RIMS1: variants seen among roughly 807,000 people sequenced by gnomAD.
RIMS1 encodes regulating synaptic membrane exocytosis 1.
RIMS1 carries 83 observed loss-of-function variants against 214.1 expected under a neutral mutation model. The observed-to-expected ratio is 0.39, with a 90% confidence interval of 0.32 to 0.47. The LOEUF (loss-of-function observed/expected upper bound fraction) is 0.47. RIMS1 is among the 20% of genes least tolerant of loss of function. The pLI is 0.99. For missense variants in RIMS1, 2,050 were observed against 2,161.8 expected, an observed-to-expected ratio of 0.95 and a Z score of 1.03; for synonymous variants, 793 against 786.8, an observed-to-expected ratio of 1.01 and a Z score of -0.13.
chr6:71,908,684 A>G (rs1776000394), intron 1 of RIMS1, among the ~76,000 whole-genome samples: 1 of 152,224 alleles, frequency 6.6e-6, no homozygotes, highest in South Asian at 2.1e-4. Context: ...TTGGCAGCAC[A>G]GTCATTGGTA....
intron 1 of RIMS1, among the ~76,000 whole-genome samples, chr6:71,961,031 A>C (rs1436199953): frequency 6.6e-6 from 1 of 152,178 alleles, no homozygotes; most frequent in Non-Finnish European, 1.5e-5. Context: ...GAGCCCTCTC[A>C]GATGTCTCCC....
At chr6:72,325,630 A>C (rs2096422711) in intron 28 of RIMS1, among the ~76,000 whole-genome samples, 1 of 151,804 alleles carries the variant, frequency 6.6e-6, no homozygotes, top group Non-Finnish European at 1.5e-5. Flanking sequence ...CTAGAAATAA[A>C]TCTAAGACCT....
intron 6 of RIMS1, among the ~76,000 whole-genome samples, chr6:72,230,505 C>G (rs1221219363): frequency 2.0e-5 from 3 of 151,516 alleles, no homozygotes; most frequent in African/African-American, 7.3e-5. Context: ...TACACATGCT[C>G]AATCGTGCCT....
intron 2 of RIMS1, among the ~76,000 whole-genome samples, chr6:72,034,748 A>G (rs1819121882): frequency 6.6e-6 from 1 of 152,100 alleles, no homozygotes; most frequent in South Asian, 2.1e-4. Context: ...ATGTTAAGTG[A>G]CTTATTAACG....
At chr6:71,933,227 C>G (rs1783558825) in intron 1 of RIMS1, among the ~76,000 whole-genome samples, 1 of 152,092 alleles carries the variant, frequency 6.6e-6, no homozygotes, top group Non-Finnish European at 1.5e-5. Flanking sequence ...TGTTGTGAAA[C>G]CTCCTCTGAC....
intron 17 of RIMS1, among the ~76,000 whole-genome samples, 176 bp from the exon 18 acceptor site, chr6:72,258,810 G>A (rs2154155066): frequency 6.6e-6 from 1 of 152,184 alleles, no homozygotes; most frequent in East Asian, 1.9e-4. Context: ...GCAGCCACAG[G>A]CAAAAACTCA....
chr6:72,384,926 A>G (rs2098557755), intron 29 of RIMS1, among the ~76,000 whole-genome samples: 1 of 152,212 alleles, frequency 6.6e-6, no homozygotes, highest in Non-Finnish European at 1.5e-5. Flanking sequence ...AATATAACAC[A>G]TATCTCTAAA....
At chr6:72,267,020 T>C (rs2080911606) in intron 22 of RIMS1, among the ~76,000 whole-genome samples, 1 of 152,126 alleles carries the variant, frequency 6.6e-6, no homozygotes, top group Middle Eastern at 3.2e-3. Context: ...AATTGAACAA[T>C]AGGTACACGT....
intron 22 of RIMS1, among the ~76,000 whole-genome samples, chr6:72,270,735 T>A (rs1320960749): frequency 6.6e-6 from 1 of 152,208 alleles, no homozygotes; most frequent in East Asian, 1.9e-4. Flanking sequence ...TTTGTTGTGC[T>A]GTTTGCAGGC....
At chr6:72,217,092 G>T (rs2056433355) in intron 6 of RIMS1, 10 of 1,509,766 alleles carry the variant, frequency 6.6e-6, no homozygotes, top group Non-Finnish European at 8.8e-6. Flanking sequence ...TATTTTGGTG[G>T]ATTTTTTAAT....
At chr6:71,933,877 T>A (rs1467706894) in intron 1 of RIMS1, among the ~76,000 whole-genome samples, 1 of 152,172 alleles carries the variant, frequency 6.6e-6, no homozygotes, top group Non-Finnish European at 1.5e-5. Flanking sequence ...TTAATATATC[T>A]TTTAATTATT....
At chr6:72,074,743 A>G (rs1291783648) in intron 2 of RIMS1, among the ~76,000 whole-genome samples, 1 of 152,202 alleles carries the variant, frequency 6.6e-6, no homozygotes, top group African/African-American at 2.4e-5. Flanking sequence ...TGATTGAGCT[A>G]AGGTAATTAA....
At chr6:72,351,389 A>T (rs2097441617) in intron 29 of RIMS1, among the ~76,000 whole-genome samples, 1 of 152,186 alleles carries the variant, frequency 6.6e-6, no homozygotes, top group Non-Finnish European at 1.5e-5. Flanking sequence ...ACAGATATTG[A>T]TCAAGTGCCT....
At chr6:71,942,475 A>G (rs540402683) in intron 1 of RIMS1, among the ~76,000 whole-genome samples, 1 of 152,186 alleles carries the variant, frequency 6.6e-6, no homozygotes, top group Non-Finnish European at 1.5e-5. Flanking sequence ...GGATGTCAAA[A>G]TATTCAAACA....
At chr6:71,939,242 T>C (rs1462087884) in intron 1 of RIMS1, among the ~76,000 whole-genome samples, 1 of 152,220 alleles carries the variant, frequency 6.6e-6, no homozygotes, top group Non-Finnish European at 1.5e-5. Context: ...CATACTTCTA[T>C]CAACATTCTG....
At position 72,182,780 on chromosome 6, in the gene RIMS1, A is replaced by G. The variant is rs2048549775; in HGVS notation, c.1309A>G (p.Arg437Gly). The change falls in exon 6 of 34, where the codon AGG (arginine) becomes GGG (glycine). Residue 437 changes from arginine (R) to glycine (G), a missense_variant. Physicochemically the swap from Arg to Gly is moderately radical, Grantham distance 125. Coordinates refer to ENST00000521978, the MANE Select transcript of RIMS1 (RefSeq NM_014989.7). ...AYSAERTAET[R>G]APGAKQLTNH... is the part of the protein sequence containing the mutation. Reference sequence around the variant, plus strand: ...CTCGGCTGAGAGAACTGCGGAGACCAGGGCGCCGGGCGCCAAGCAGCTAAC... The same window carrying G: ...CTCGGCTGAGAGAACTGCGGAGACCGGGGCGCCGGGCGCCAAGCAGCTAAC... 6.5e-7 allele frequency: 1 copy of G among 1,545,674 alleles called. No homozygotes were observed. Among genetic ancestry groups the G allele is most frequent in the Non-Finnish European group, 8.7e-7 (1 of 1,149,834 alleles).
rs893180294 is a variant in RIMS1 at position 71,886,698 on chromosome 6, C to A, written c.-326C>A. The A allele has an allele frequency of 1.0e-4, 16 of 157,404 alleles. No homozygotes were observed. Among genetic ancestry groups the A allele is most frequent in the African/African-American group, 3.8e-4 (16 of 41,596 alleles). 9.8% of individuals were successfully genotyped at this position (157,404 alleles called of 1,614,324 possible). On this transcript the variant is annotated 5_prime_UTR_variant, in exon 1 of 34. Coordinates refer to ENST00000521978, the MANE Select transcript of RIMS1 (RefSeq NM_014989.7). ...GGAGCCTGGCGCGAGCCCTCGCCCC[C>A]TCGCCTCTCCCGCCGCGCCTCCGCC...
chr6:71,984,953 C>A (rs1799520112), intron 2 of RIMS1, among the ~76,000 whole-genome samples: 1 of 152,170 alleles, frequency 6.6e-6, no homozygotes, highest in Non-Finnish European at 1.5e-5. Context: ...TTCACACAAG[C>A]ACTTTGTACT....
intron 4 of RIMS1, among the ~76,000 whole-genome samples, chr6:72,154,076 T>C (rs1429063811): frequency 1.3e-5 from 2 of 152,024 alleles, no homozygotes; most frequent in East Asian, 3.9e-4. Flanking sequence ...GAGTGCTTGA[T>C]TCCTGGAAAG....
Sources: allele counts gnomAD v4.1 joint callset (sites outside exome capture counted in the v4.1 genomes callset), GRCh38; gene constraint gnomAD v4.1.1; transcripts MANE v1.5; gene names NCBI Gene and HGNC (gene_info 2026-07-23, HGNC 2026-07-21).